SHTN1: variants seen among roughly 807,000 people sequenced by gnomAD.
SHTN1 encodes shootin 1.
SHTN1 carries 42 observed loss-of-function variants against 83.1 expected under a neutral mutation model. The observed-to-expected ratio is 0.51, with a 90% CI of 0.39 to 0.65. The LOEUF is 0.65. Among genes scored for constraint, SHTN1 ranks in the 30% least tolerant of loss-of-function variants. The pLI is 0.00. For synonymous variants in SHTN1, 224 were observed against 247.7 expected, an observed-to-expected ratio of 0.90 and a Z score of 0.90; for missense variants, 622 against 737.8, an observed-to-expected ratio of 0.84 and a Z score of 1.82.
chr10:116,985,017 TAAG>T, intron 1 of SHTN1, among the ~76,000 whole-genome samples: 1 of 152,338 alleles, frequency 6.6e-6, no homozygotes, highest in South Asian at 2.1e-4. Flanking sequence ...TTACTTCTTC[TAAG>T]AAGCCTTCCC....
At chr10:117,086,262 A>G (rs1428461053) in intron 1 of SHTN1, among the ~76,000 whole-genome samples, 1 of 152,190 alleles carries the variant, frequency 6.6e-6, no homozygotes, top group African/African-American at 2.4e-5. Flanking sequence ...AGCTATGCCA[A>G]CTTTCTTTTG....
chr10:117,017,666 C>T (rs192208165), intron 2 of SHTN1, among the ~76,000 whole-genome samples: 12 of 152,218 alleles, frequency 7.9e-5, no homozygotes, highest in East Asian at 3.9e-4. Context: ...AATATACCCC[C>T]GCAGGGGTTG....
chr10:117,044,102 T>G (rs1237359411), intron 2 of SHTN1, among the ~76,000 whole-genome samples: 2 of 152,160 alleles, frequency 1.3e-5, no homozygotes, highest in African/African-American at 2.4e-5. Flanking sequence ...TAATATCTGC[T>G]CTTTATTTTC....
chr10:117,103,665 G>A (rs1265232547), intron 1 of SHTN1, among the ~76,000 whole-genome samples: 1 of 150,270 alleles, frequency 6.7e-6, no homozygotes, highest in Non-Finnish European at 1.5e-5. Flanking sequence ...AGCCTCCCGA[G>A]AGCTGGGGCT....
chr10:117,066,983 T>C lies in SHTN1; in HGVS notation c.-188-18473A>G, dbSNP rs112422786. Reference sequence around the variant, plus strand: ...AAGACTTGGAAAGTAAACAAAGACTTCCTAAAAGTGTTGTTTAGGCAAAAT... The same window carrying C: ...AAGACTTGGAAAGTAAACAAAGACTCCCTAAAAGTGTTGTTTAGGCAAAAT... On this transcript the variant is annotated intron_variant, in intron 1 of 17. Transcript: ENST00000392901. 5.4e-3 allele frequency among the ~76,000 whole-genome samples: 825 copies of C among 152,224 alleles called. 6 individuals carry two copies. Among genetic ancestry groups the C allele is most frequent in the Non-Finnish European group, 7.2e-3 (487 of 68,012 alleles).
chr10:117,005,648 A>G (rs1030270946), upstream of SHTN1: 3 of 927,596 alleles, frequency 3.2e-6, no homozygotes, highest in Admixed American at 6.1e-5. Context: ...TGCAAAACCT[A>G]GCTGCCCACA....
At chr10:117,027,405 C>T (rs553054561) in intron 2 of SHTN1, among the ~76,000 whole-genome samples, 90 of 152,212 alleles carry the variant, frequency 5.9e-4, no homozygotes, top group Non-Finnish European at 1.2e-3. Context: ...TCCCCAGAAG[C>T]TGAGCAGATA....
At chr10:117,038,243 C>T (rs1442131600) in intron 2 of SHTN1, among the ~76,000 whole-genome samples, 4 of 151,352 alleles carry the variant, frequency 2.6e-5, no homozygotes, top group South Asian at 4.2e-4. Context: ...TGGGCTCAAG[C>T]GATCCTCCCA....
At chr10:116,900,933 T>C (rs775636540) in intron 16 of SHTN1, 50 of 985,324 alleles carry the variant, frequency 5.1e-5, no homozygotes, top group Non-Finnish European at 5.8e-5. Flanking sequence ...TAGATCCAAA[T>C]TGAATTCCAA....
intron 1 of SHTN1, among the ~76,000 whole-genome samples, chr10:116,993,944 T>G (rs1851536421): frequency 6.6e-6 from 1 of 152,140 alleles, no homozygotes; most frequent in South Asian, 2.1e-4. Context: ...TTTTGGCTTC[T>G]CACTGCAAAG....
intron 1 of SHTN1, among the ~76,000 whole-genome samples, chr10:116,990,977 G>A (rs959289477): frequency 6.6e-6 from 1 of 152,030 alleles, no homozygotes; most frequent in Non-Finnish European, 1.5e-5. Context: ...ACGAGGTCAG[G>A]AGATCGAGAC....
intron 2 of SHTN1, chr10:116,973,958 G>A: frequency 8.1e-7 from 1 of 1,232,434 alleles, no homozygotes; most frequent in South Asian, 1.4e-5. Flanking sequence ...CCAGAACTGT[G>A]CTTTCTGGAT....
At chr10:116,904,165 G>A (rs1481104497) in intron 15 of SHTN1, among the ~76,000 whole-genome samples, 1 of 152,146 alleles carries the variant, frequency 6.6e-6, no homozygotes, top group African/African-American at 2.4e-5. Context: ...TTTCTAGGCA[G>A]AAGAAAACCA....
At chr10:117,096,299 CCAAA>C (rs1223486258) in intron 1 of SHTN1, among the ~76,000 whole-genome samples, 3 of 152,128 alleles carry the variant, frequency 2.0e-5, no homozygotes, top group African/African-American at 4.8e-5. Flanking sequence ...TTATTTTGCC[CCAAA>C]CAAAGATTTT....
chr10:117,007,032 T>C (rs531498666), upstream of SHTN1, among the ~76,000 whole-genome samples: 17 of 152,252 alleles, frequency 1.1e-4, no homozygotes, highest in Non-Finnish European at 2.5e-4. Flanking sequence ...ATACAGTGTA[T>C]TAAAATGTTT....
At chr10:117,084,829 T>G (rs1357708649) in intron 1 of SHTN1, among the ~76,000 whole-genome samples, 1 of 152,126 alleles carries the variant, frequency 6.6e-6, no homozygotes, top group Admixed American at 6.5e-5. Context: ...CTTTCTTTGA[T>G]TAGGAAAGGG....
chr10:116,928,021 A>G (rs553670810), intron 10 of SHTN1, 130 bp from the exon 11 acceptor site: 1 of 1,005,044 alleles, frequency 9.9e-7, no homozygotes, highest in East Asian at 2.6e-5. Context: ...AGAAATTTCA[A>G]TATGAAATTA....
intron 14 of SHTN1, among the ~76,000 whole-genome samples, chr10:116,908,239 T>C (rs74161334): frequency 0.06 from 9,181 of 152,262 alleles, 884 homozygotes; most frequent in African/African-American, 0.2. Flanking sequence ...ATATTTTAAT[T>C]AGGCATATAA....
intron 9 of SHTN1, among the ~76,000 whole-genome samples, chr10:116,933,261 TG>T (rs1849035394): frequency 1.3e-5 from 2 of 152,168 alleles, no homozygotes; most frequent in Admixed American, 6.5e-5. Flanking sequence ...AGTGGTTTGC[TG>T]CACCCATCAA....
Sources: gnomAD v4.1 joint callset for allele counts (sites outside exome capture counted in the v4.1 genomes callset) on GRCh38, gnomAD v4.1.1 for gene constraint, MANE v1.5 for transcripts, NCBI Gene and HGNC (gene_info 2026-07-23, HGNC 2026-07-21) for gene names.